Variants in ASIC2 observed in about 807,000 individuals in gnomAD.
ASIC2 encodes acid-sensing ion channel 2.
A neutral mutation model predicts 57.3 loss-of-function variants in ASIC2; 25 were observed. That is an observed-to-expected ratio of 0.44 (90% CI 0.32 to 0.61). The LOEUF (loss-of-function observed/expected upper bound fraction) is 0.61. Ranked by LOEUF, ASIC2 falls within the 20% of genes least tolerant of loss-of-function variation. The pLI is 0.06. For missense variants in ASIC2, 641 were observed against 738.1 expected (o/e 0.87, Z 1.52); for synonymous variants, 319 against 307.5 (o/e 1.04, Z -0.39).
At chr17:33,489,945 G>C (rs987471797) in intron 1 of ASIC2, among the ~76,000 whole-genome samples, 1 of 152,150 alleles carries the variant, frequency 6.6e-6, no homozygotes, top group Non-Finnish European at 1.5e-5. Context: ...TTTATTCCAC[G>C]ATCTTAACTG....
At chr17:33,444,967 C>T (rs529864901) in intron 1 of ASIC2, among the ~76,000 whole-genome samples, 34 of 152,316 alleles carry the variant, frequency 2.2e-4, no homozygotes, top group African/African-American at 8.2e-4. Flanking sequence ...TGGATGCTTT[C>T]CTGCTACATG....
At chr17:34,087,964 A>C (rs571676332) in intron 1 of ASIC2, among the ~76,000 whole-genome samples, 59 of 152,280 alleles carry the variant, frequency 3.9e-4, no homozygotes, top group African/African-American at 1.4e-3. Context: ...AAAGTTTTTA[A>C]CTTCTTTGCC....
At chr17:33,363,057 C>T (rs1326964281) in intron 1 of ASIC2, among the ~76,000 whole-genome samples, 1 of 152,082 alleles carries the variant, frequency 6.6e-6, no homozygotes, top group Non-Finnish European at 1.5e-5. Flanking sequence ...TGGCAGTTGC[C>T]TAATATATGG....
chr17:33,516,960 A>T (rs956189791), intron 1 of ASIC2, among the ~76,000 whole-genome samples: 1 of 152,226 alleles, frequency 6.6e-6, no homozygotes, highest in Non-Finnish European at 1.5e-5. Context: ...ATCAGAATGT[A>T]TCGGTGCCGC....
intron 3 of ASIC2, among the ~76,000 whole-genome samples, chr17:33,049,956 A>G (rs1043769396): frequency 6.6e-6 from 1 of 152,122 alleles, no homozygotes; most frequent in African/African-American, 2.4e-5. Context: ...CTTTTGTGCC[A>G]CTGGACTATC....
intron 1 of ASIC2, among the ~76,000 whole-genome samples, chr17:33,710,007 C>T (rs1352281753): frequency 1.3e-5 from 2 of 152,196 alleles, no homozygotes; most frequent in Non-Finnish European, 2.9e-5. Flanking sequence ...ACTTCCCTAA[C>T]ATCTGTCTCC....
intron 1 of ASIC2, among the ~76,000 whole-genome samples, chr17:33,337,650 G>A (rs933591568): frequency 3.3e-5 from 5 of 152,168 alleles, no homozygotes; most frequent in Admixed American, 3.3e-4. Context: ...AGAGGGTGGA[G>A]ATGTTCTGGA....
At chr17:33,635,824 C>T (rs1204792952) in intron 1 of ASIC2, among the ~76,000 whole-genome samples, 3 of 152,136 alleles carry the variant, frequency 2.0e-5, no homozygotes, top group African/African-American at 4.8e-5. Context: ...AAAACCTCAT[C>T]GCCATGATCT....
intron 1 of ASIC2, among the ~76,000 whole-genome samples, chr17:33,348,115 C>T (rs1908025832): frequency 6.6e-6 from 1 of 152,052 alleles, no homozygotes; most frequent in African/African-American, 2.4e-5. Flanking sequence ...AACAAACAAA[C>T]AAAAATGGAT....
At chr17:33,471,109 C>T (rs1913036496) in intron 1 of ASIC2, among the ~76,000 whole-genome samples, 1 of 152,188 alleles carries the variant, frequency 6.6e-6, no homozygotes, top group Admixed American at 6.5e-5. Flanking sequence ...CTCTCCAATA[C>T]TCACTGTGGA....
chr17:33,462,116 G>C (rs1360694480), intron 1 of ASIC2, among the ~76,000 whole-genome samples: 1 of 152,198 alleles, frequency 6.6e-6, no homozygotes, highest in East Asian at 1.9e-4. Context: ...GCAGAGAAGA[G>C]GGGCCAGGCT....
chr17:34,037,902 G>T (rs1021765166), intron 1 of ASIC2: 29 of 1,613,636 alleles, frequency 1.8e-5, no homozygotes, highest in South Asian at 3.3e-5. Flanking sequence ...TGGCCAAAAG[G>T]CTTCCTTCCA....
intron 1 of ASIC2, among the ~76,000 whole-genome samples, chr17:33,334,072 T>C (rs539682510): frequency 2.0e-5 from 3 of 152,288 alleles, no homozygotes; most frequent in African/African-American, 7.2e-5. Flanking sequence ...AAGTCTAAAA[T>C]TAGGTGTCCC....
At chr17:33,315,732 A>G (rs1475970226) in intron 1 of ASIC2, among the ~76,000 whole-genome samples, 1 of 152,262 alleles carries the variant, frequency 6.6e-6, no homozygotes, top group African/African-American at 2.4e-5. Context: ...CATATCATAT[A>G]CAACACAGGG....
At position 34,100,184 on chromosome 17, in the gene ASIC2, G is replaced by GTTT. The variant is rs35700595; in HGVS notation, c.555+55791_555+55793dup. ...ATTTAACATTCTTCCTCTCTTTCTT[G>GTTT]TTTTTTTTTTTTTTTTAAATCAATT... On this transcript the variant is annotated intron_variant, in intron 1 of 9. Transcript: ENST00000359872. Among the ~76,000 whole-genome samples the GTTT allele has an allele frequency of 1.8e-3, 231 of 130,640 alleles. 1 individual carries two copies. Among genetic ancestry groups the GTTT allele is most frequent in the African/African-American group, 6.8e-3 (213 of 31,308 alleles). The allele number at this position is 130,640 out of a possible 152,430, so 85.7% of individuals were successfully genotyped here.
chr17:33,907,703 T>C (rs898427535), intron 1 of ASIC2, among the ~76,000 whole-genome samples: 2 of 152,182 alleles, frequency 1.3e-5, no homozygotes, highest in African/African-American at 4.8e-5. Flanking sequence ...ATCTGTCTTT[T>C]CCTTAAATCC....
intron 1 of ASIC2, among the ~76,000 whole-genome samples, chr17:33,372,838 C>T (rs1456400343): frequency 6.6e-6 from 1 of 152,192 alleles, no homozygotes; most frequent in African/African-American, 2.4e-5. Context: ...GGGTAGATGC[C>T]CCTCATCGTG....
chr17:33,372,077 T>C (rs942308844), intron 1 of ASIC2, among the ~76,000 whole-genome samples: 1 of 151,978 alleles, frequency 6.6e-6, no homozygotes, highest in African/African-American at 2.4e-5. Flanking sequence ...CCCCAGACCC[T>C]CTCTGCCTCT....
At chr17:33,675,158 TATC>T (rs907383711) in intron 1 of ASIC2, among the ~76,000 whole-genome samples, 2 of 152,258 alleles carry the variant, frequency 1.3e-5, no homozygotes, top group African/African-American at 4.8e-5. Flanking sequence ...CAATTAATGT[TATC>T]ATCGTTATTT....
Sources: allele counts gnomAD v4.1 joint callset (sites outside exome capture counted in the v4.1 genomes callset), GRCh38; gene constraint gnomAD v4.1.1; transcripts MANE v1.5; gene names NCBI Gene and HGNC (gene_info 2026-07-23, HGNC 2026-07-21).